Variants in NECAB2 observed in about 807,000 individuals in gnomAD.
NECAB2 encodes the protein N-terminal EF-hand calcium binding protein 2.
A neutral mutation model predicts 51.9 loss-of-function variants in NECAB2; 68 were observed. The observed-to-expected ratio is 1.31, with a 90% CI of 1.08 to 1.60. The LOEUF (loss-of-function observed/expected upper bound fraction) is 1.60. NECAB2 is among the 40% of genes most tolerant of loss of function. The pLI is 0.00. For missense variants in NECAB2, 854 were observed against 490.3 expected, an observed-to-expected ratio of 1.74 and a Z score of -7.00; for synonymous variants, 329 against 203.5, an observed-to-expected ratio of 1.62 and a Z score of -5.25.
chr16:83,993,620 CTGTGTGTGTGTG>C (rs57610964), intron 6 of NECAB2: 5,124 of 135,426 alleles, frequency 0.038, 280 homozygotes, highest in African/African-American at 0.13. Context: ...GCAAGGTGAG[CTGTGTGTGTGTG>C]TGTGTGTGTG....
chr16:83,994,462 G>T (rs571476902), intron 7 of NECAB2, 42 bp downstream of exon 7: 6 of 1,604,854 alleles, frequency 3.7e-6, no homozygotes, highest in Admixed American at 1.7e-5. Flanking sequence ...CCAGCTGGGG[G>T]TCCCGAGGAG....
chr16:83,985,661 C>T (rs965595058), intron 5 of NECAB2, among the ~76,000 whole-genome samples: 5 of 151,718 alleles, frequency 3.3e-5, no homozygotes, highest in African/African-American at 1.2e-4. Flanking sequence ...TTACTGTTGG[C>T]GTTCCCATAG....
rs200854041 is a variant in NECAB2, at chr16:84,001,881, G to C, written c.1097G>C (p.Ser366Thr). Residue 366 changes from serine (S) to threonine (T), a missense_variant, in exon 12 of 13, where the codon AGC becomes ACC. By Grantham distance (58) the Ser-to-Thr change is moderately conservative. Coordinates refer to ENST00000305202, the MANE Select transcript of NECAB2 (RefSeq NM_019065.3). Reference sequence around the variant, plus strand: ...CGGCACGTCAAGGTGGACACACTGAGCCAGCCTGAGGCCCTCTCCAGGATC... The same window carrying C: ...CGGCACGTCAAGGTGGACACACTGACCCAGCCTGAGGCCCTCTCCAGGATC... ...AFRHVKVDTL[S>T]QPEALSRILV... is the part of the protein sequence containing the mutation. 11 of 1,614,106 alleles carry C rather than the reference G, an allele frequency of 6.8e-6. No homozygotes were observed. In the East Asian group the frequency reaches 2.2e-4, roughly 33 times the overall value.
At chr16:83,979,756 G>C (rs142150055) in intron 3 of NECAB2, among the ~76,000 whole-genome samples, 41 of 152,098 alleles carry the variant, frequency 2.7e-4, no homozygotes, top group Admixed American at 2.6e-3. Flanking sequence ...GTGGGTGGGT[G>C]GGGGTGCAGG....
Position 84,000,906 on chromosome 16 carries a change from G to A in NECAB2, c.1040+105G>A, listed in dbSNP as rs558161388. The A allele has an allele frequency of 6.1e-6, 7 of 1,144,656 alleles. 1 individual carries two copies. Among genetic ancestry groups the A allele is most frequent in the African/African-American group, 4.5e-5 (3 of 66,704 alleles). 70.9% of individuals were successfully genotyped at this position (1,144,656 alleles called of 1,614,324 possible). A position where few individuals can be genotyped will look rare whatever the true frequency, so the allele number is the denominator to read the frequency against. ...GGAGGGGAGGGTAAGGCCGAGTCCA[G>A]TCAGCAGATTCCCGAGGCATCTACC... On this transcript the variant is annotated intron_variant, in intron 11 of 12. Transcript: ENST00000305202.
intron 11 of NECAB2, among the ~76,000 whole-genome samples, 197 bp downstream of exon 11, chr16:84,000,998 C>T (rs1392330735): frequency 6.6e-6 from 1 of 151,836 alleles, no homozygotes; most frequent in Non-Finnish European, 1.5e-5. Flanking sequence ...TGAGAGCCCC[C>T]ACCACACTCA....
chr16:84,002,703 T>G lies in NECAB2; in HGVS notation c.*357T>G, dbSNP rs1028090582. ...ACATTCTTCTACCTAGTAGGAGTCATGCCCCTGTAGTGCCCAACCTAGCCA... is the reference window on the plus strand; with the variant it reads ...ACATTCTTCTACCTAGTAGGAGTCAGGCCCCTGTAGTGCCCAACCTAGCCA... On this transcript the variant is annotated 3_prime_UTR_variant, in exon 13 of 13. Transcript: ENST00000305202. 5 of 332,760 alleles carry G rather than the reference T, an allele frequency of 1.5e-5. No homozygotes were observed. The highest frequency in any genetic ancestry group is 2.9e-5 in the Non-Finnish European group (5 of 175,040). 20.6% of individuals were successfully genotyped at this position (332,760 alleles called of 1,614,324 possible).
rs558102319 is a variant in NECAB2, at chr16:84,002,206, T to A, written c.1133-112T>A. 1.4e-5 allele frequency: 19 copies of A among 1,335,926 alleles called. No homozygotes were observed. In the East Asian group the frequency reaches 3.7e-4, roughly 26 times the overall value. The allele number at this position is 1,335,926 out of a possible 1,614,324, so 82.8% of individuals were successfully genotyped here. A position where few individuals can be genotyped will look rare whatever the true frequency, so the allele number is the denominator to read the frequency against. ...TGGGTGACCAGCAAGGACCTGTGTG[T>A]CACACAAGGACTCAAAGCCATCCCC... is the stretch of plus-strand genomic sequence containing the variant. On this transcript the variant is annotated intron_variant, in intron 12 of 12. Coordinates refer to ENST00000305202, the MANE Select transcript of NECAB2 (RefSeq NM_019065.3).
chr16:83,985,794 AT>A (rs1189175657), intron 5 of NECAB2, among the ~76,000 whole-genome samples: 4 of 152,004 alleles, frequency 2.6e-5, no homozygotes, highest in African/African-American at 9.7e-5. Context: ...TTTCTACTCT[AT>A]TTTTTTAATG....
At chr16:83,986,027 C>G (rs1335902093) in intron 5 of NECAB2, among the ~76,000 whole-genome samples, 1 of 151,746 alleles carries the variant, frequency 6.6e-6, no homozygotes, top group African/African-American at 2.4e-5. Context: ...TTCTTTTTTT[C>G]TTTTTTGATA....
At chr16:83,991,367 TC>T (rs58461945) in intron 6 of NECAB2, among the ~76,000 whole-genome samples, 10,680 of 108,860 alleles carry the variant, frequency 0.098, 1,308 homozygotes, top group African/African-American at 0.47. Flanking sequence ...TCTTTTCTTT[TC>T]TTTTTTTTTT....
chr16:83,997,921 G>A (rs1455444435), intron 9 of NECAB2, among the ~76,000 whole-genome samples: 5 of 152,152 alleles, frequency 3.3e-5, no homozygotes, highest in African/African-American at 1.2e-4. Flanking sequence ...TGTGTCTCCA[G>A]GCCCTGGAGG....
chr16:84,000,904 C>T (rs1379311650), intron 11 of NECAB2, 103 bp downstream of exon 11: 6 of 1,159,072 alleles, frequency 5.2e-6, no homozygotes, highest in South Asian at 2.6e-5. Context: ...AGGCCGAGTC[C>T]AGTCAGCAGA....
intron 8 of NECAB2, among the ~76,000 whole-genome samples, chr16:83,996,315 GC>G (rs2084697940): frequency 6.6e-6 from 1 of 152,206 alleles, no homozygotes; most frequent in South Asian, 2.1e-4. Flanking sequence ...CATGCTGTGT[GC>G]CCCCAGAAGG....
chr16:83,988,892 C>A lies in NECAB2; in HGVS notation c.460-1602C>A, dbSNP rs183458870. Among the ~76,000 whole-genome samples the A allele has an allele frequency of 3.0e-3, 450 of 152,232 alleles. 6 individuals carry two copies. The highest frequency in any genetic ancestry group is 0.01 in the African/African-American group (433 of 41,540). ...AGGCACGTGTACCCCTGTGTCAAAT[C>A]TGGGGTTGTATCTTTACATGGGGGA... On this transcript the variant is annotated intron_variant, in intron 5 of 12. Coordinates refer to ENST00000305202, the MANE Select transcript of NECAB2 (RefSeq NM_019065.3).
intron 2 of NECAB2, 67 bp from the exon 3 acceptor site, chr16:83,978,377 C>T (rs111350610): frequency 6.2e-6 from 8 of 1,293,708 alleles, no homozygotes; most frequent in Non-Finnish European, 8.9e-6. Flanking sequence ...GGGGGCCGTG[C>T]ATGCACTAGC....
intron 10 of NECAB2, 30 bp downstream of exon 10, chr16:83,998,347 T>G: frequency 6.2e-7 from 1 of 1,604,598 alleles, no homozygotes; most frequent in African/African-American, 1.3e-5. Context: ...GTGGGTGGGA[T>G]GGTGGCAGGG....
chr16:83,994,187 C>G lies in NECAB2; in HGVS notation c.597-115C>G. 4 of 917,618 alleles carry G rather than the reference C, an allele frequency of 4.4e-6. No homozygotes were observed. In the South Asian group the frequency reaches 4.4e-5, roughly 10 times the overall value. 56.8% of individuals were successfully genotyped at this position (917,618 alleles called of 1,614,324 possible). A position where few individuals can be genotyped will look rare whatever the true frequency, so the allele number is the denominator to read the frequency against. ...CAAAACAAAGGCCATGATGCAAGTT[C>G]TGTGCATGTGTGAGTCCACTGTCTT... is the stretch of plus-strand genomic sequence containing the variant. On this transcript the variant is annotated intron_variant, in intron 6 of 12. Transcript: ENST00000305202.
chr16:83,969,918 T>TGGCC (rs1452137407), intron 1 of NECAB2, among the ~76,000 whole-genome samples: 1 of 152,172 alleles, frequency 6.6e-6, no homozygotes, highest in Non-Finnish European at 1.5e-5. Context: ...CTGGAACCCT[T>TGGCC]GGCCGGGGTC....
Sources: allele counts gnomAD v4.1 joint callset (sites outside exome capture counted in the v4.1 genomes callset), GRCh38; gene constraint gnomAD v4.1.1; transcripts MANE v1.5; gene names NCBI Gene and HGNC (gene_info 2026-07-23, HGNC 2026-07-21).